Variants in SAMMSON observed in about 807,000 individuals in gnomAD.
SAMMSON encodes the protein survival associated mitochondrial melanoma specific oncogenic non-coding RNA, also known as long intergenic non-protein coding RNA 1212.
intron 4 of SAMMSON, among the ~76,000 whole-genome samples, chr3:70,129,424 G>T (rs2067472575): frequency 6.6e-6 from 1 of 152,120 alleles, no homozygotes; most frequent in Admixed American, 6.6e-5. Flanking sequence ...AACAGCAATT[G>T]GTGGAAAACA....
At chr3:70,333,250 T>A (rs896955801) in intron 7 of SAMMSON, among the ~76,000 whole-genome samples, 51 of 152,072 alleles carry the variant, frequency 3.4e-4, no homozygotes, top group Admixed American at 1.3e-4. Context: ...CCATCCTCCT[T>A]TGCACCTAGA....
chr3:70,427,883 A>G (rs1285805572), intron 2 of SAMMSON, among the ~76,000 whole-genome samples: 1 of 152,144 alleles, frequency 6.6e-6, no homozygotes, highest in African/African-American at 2.4e-5. Context: ...GGAATCTTAG[A>G]TTTTTGGAAG....
chr3:70,133,817 T>A (rs888870857), intron 4 of SAMMSON, among the ~76,000 whole-genome samples: 3 of 152,252 alleles, frequency 2.0e-5, no homozygotes, highest in African/African-American at 7.2e-5. Flanking sequence ...CAGTCATAAA[T>A]ATATGATCCA....
intron 4 of SAMMSON, among the ~76,000 whole-genome samples, chr3:70,160,692 T>G (rs770094617): frequency 6.6e-6 from 1 of 152,064 alleles, no homozygotes; most frequent in East Asian, 1.9e-4. Flanking sequence ...TCCATATAGA[T>G]TTAATGATCA....
At chr3:70,003,801 T>C (rs1465614392) in intron 1 of SAMMSON, among the ~76,000 whole-genome samples, 1 of 152,044 alleles carries the variant, frequency 6.6e-6, no homozygotes, top group East Asian at 1.9e-4. Flanking sequence ...CTTTTTAATA[T>C]ATTTTTTAGT....
intron 7 of SAMMSON, among the ~76,000 whole-genome samples, chr3:70,331,539 T>C (rs1319607811): frequency 1.3e-5 from 2 of 152,162 alleles, no homozygotes; most frequent in African/African-American, 4.8e-5. Context: ...TTATGATAGA[T>C]AAGGAAGAAA....
At chr3:70,077,641 T>C (rs2067253639) in intron 4 of SAMMSON, among the ~76,000 whole-genome samples, 1 of 152,210 alleles carries the variant, frequency 6.6e-6, no homozygotes, top group Non-Finnish European at 1.5e-5. Flanking sequence ...TAAAACATTT[T>C]CAAAAGGAAA....
chr3:70,157,048 G>A (rs142064795), intron 4 of SAMMSON, among the ~76,000 whole-genome samples: 1 of 152,050 alleles, frequency 6.6e-6, no homozygotes, highest in Non-Finnish European at 1.5e-5. Flanking sequence ...CCTTTCGAAA[G>A]CAGGGTAAAA....
At chr3:70,092,926 T>C (rs75378393) in intron 4 of SAMMSON, among the ~76,000 whole-genome samples, 9 of 151,662 alleles carry the variant, frequency 5.9e-5, no homozygotes, top group South Asian at 2.1e-4. Context: ...GTTTTTTTTT[T>C]CCACCAGATA....
intron 3 of SAMMSON, among the ~76,000 whole-genome samples, chr3:70,034,467 A>G (rs1004226521): frequency 6.6e-6 from 1 of 152,220 alleles, no homozygotes; most frequent in African/African-American, 2.4e-5. Flanking sequence ...CCTGGAAACC[A>G]TGCAGTATAT....
chr3:70,402,534 A>G (rs1334189636), intron 2 of SAMMSON, among the ~76,000 whole-genome samples: 2 of 152,200 alleles, frequency 1.3e-5, no homozygotes, highest in Non-Finnish European at 2.9e-5. Context: ...AGTAAAATAT[A>G]GTACATAGTC....
intron 2 of SAMMSON, among the ~76,000 whole-genome samples, chr3:70,423,759 G>A (rs1309994360): frequency 6.6e-6 from 1 of 152,148 alleles, no homozygotes; most frequent in East Asian, 1.9e-4. Context: ...CAGAATGGAG[G>A]AGTGAGGTCT....
At chr3:70,304,952 T>C (rs1702385621) in intron 7 of SAMMSON, among the ~76,000 whole-genome samples, 1 of 152,124 alleles carries the variant, frequency 6.6e-6, no homozygotes, top group Non-Finnish European at 1.5e-5. Flanking sequence ...CTCTGAGCTG[T>C]ACTATCTTTG....
chr3:70,343,848 T>A (rs1702730059), intron 7 of SAMMSON, among the ~76,000 whole-genome samples: 1 of 151,132 alleles, frequency 6.6e-6, no homozygotes, highest in Admixed American at 6.6e-5. Flanking sequence ...TATGTATTCA[T>A]TTATTTATTC....
At chr3:70,378,630 C>G (rs1703040018) in intron 9 of SAMMSON, among the ~76,000 whole-genome samples, 1 of 151,946 alleles carries the variant, frequency 6.6e-6, no homozygotes, top group Non-Finnish European at 1.5e-5. Flanking sequence ...ACTTGCAGAA[C>G]CATTGAAGGG....
chr3:70,073,190 A>C (rs1308021875), intron 4 of SAMMSON, among the ~76,000 whole-genome samples: 1 of 152,038 alleles, frequency 6.6e-6, no homozygotes, highest in East Asian at 1.9e-4. Flanking sequence ...ACGGCAAGAC[A>C]GTGCTACATA....
intron 2 of SAMMSON, among the ~76,000 whole-genome samples, chr3:70,407,626 G>A (rs1199520066): frequency 6.6e-6 from 1 of 152,188 alleles, no homozygotes; most frequent in African/African-American, 2.4e-5. Context: ...GGTTCCCATG[G>A]TCTTGGGCAG....
At chr3:70,077,582 G>A (rs562062214) in intron 4 of SAMMSON, among the ~76,000 whole-genome samples, 5 of 152,108 alleles carry the variant, frequency 3.3e-5, no homozygotes, top group East Asian at 1.9e-4. Context: ...ATGATAGTTC[G>A]TAATTACATA....
At chr3:70,098,296 C>G (rs927496970) in intron 4 of SAMMSON, among the ~76,000 whole-genome samples, 1 of 152,184 alleles carries the variant, frequency 6.6e-6, no homozygotes, top group Non-Finnish European at 1.5e-5. Flanking sequence ...TCTCACACAT[C>G]TTGCCTCTCT....
Sources: allele counts gnomAD v4.1 joint callset (sites outside exome capture counted in the v4.1 genomes callset), GRCh38; gene constraint gnomAD v4.1.1; transcripts MANE v1.5; gene names NCBI Gene and HGNC (gene_info 2026-07-23, HGNC 2026-07-21).